Variants in DPH6 observed in about 807,000 individuals in gnomAD.
DPH6 encodes the protein diphthamine biosynthesis 6.
DPH6 carries 33 observed loss-of-function variants against 38.2 expected under a neutral mutation model. That is an observed-to-expected ratio of 0.86 (90% CI 0.65 to 1.15). DPH6 has a LOEUF of 1.15. Ranked by LOEUF, DPH6 falls within the 50% of genes most tolerant of loss-of-function variation. DPH6 has a pLI of 0.00. For synonymous variants in DPH6, 108 were observed against 103.0 expected (o/e 1.05, Z -0.30); for missense variants, 325 against 320.0 (o/e 1.02, Z -0.12).
intron 3 of DPH6, among the ~76,000 whole-genome samples, chr15:35,537,241 T>C (rs1178011509): frequency 6.6e-6 from 1 of 152,138 alleles, no homozygotes; most frequent in Non-Finnish European, 1.5e-5. Flanking sequence ...ATGAGGTAAC[T>C]TCTGAAAAAA....
rs2051580675 is a variant in DPH6, at chr15:35,239,301, C to T, written n.201-18719G>A. The stretch of plus-strand genomic sequence containing the variant: ...ATCTTGGCGCTACACTTCAATCACT[C>T]CCTTCTCTTAATTTCAATTCCTTTC... On this transcript the variant is annotated intron_variant and non_coding_transcript_variant, in intron 3 of 3. Coordinates refer to the DPH6 transcript ENST00000560386. Among the ~76,000 whole-genome samples the T allele has an allele frequency of 1.4e-5, 2 of 143,658 alleles. 1 individual carries two copies. The highest frequency in any genetic ancestry group is 5.0e-5 in the African/African-American group (2 of 39,740). The allele number at this position is 143,658 out of a possible 152,430, so 94.2% of individuals were successfully genotyped here. A position where few individuals can be genotyped will look rare whatever the true frequency, so the allele number is the denominator to read the frequency against.
chr15:35,501,260 T>A (rs1032477679), intron 3 of DPH6, among the ~76,000 whole-genome samples: 2 of 152,136 alleles, frequency 1.3e-5, no homozygotes, highest in African/African-American at 4.8e-5. Flanking sequence ...CACTTTCTAT[T>A]AAAAATAATC....
At chr15:35,198,140 T>G in the DPH6 span, among the ~76,000 whole-genome samples, 2 of 151,908 alleles carry the variant, frequency 1.3e-5, no homozygotes, top group East Asian at 3.8e-4. Flanking sequence ...TCTAGTTGTT[T>G]TTTTTTTCTA....
In DPH6 at chr15:35,443,099, G is replaced by A. The variant is rs374708062; in HGVS notation, c.505+7586C>T. Among the ~76,000 whole-genome samples, 76 of 152,228 alleles carry A rather than the reference G, an allele frequency of 5.0e-4. 2 individuals carry two copies. In the South Asian group the frequency reaches 0.015, roughly 31 times the overall value. ...TGTAGTCATAGTAGCTATATGCTCA[G>A]ACAATACAGATAAAAAGATCTCTTA... On this transcript the variant is annotated intron_variant, in intron 5 of 8. Coordinates refer to ENST00000256538, the MANE Select transcript of DPH6 (RefSeq NM_080650.4).
At position 35,417,565 on chromosome 15, in the gene DPH6, C is replaced by T. The variant is rs77341696; in HGVS notation, c.506-6669G>A. Among the ~76,000 whole-genome samples, 12 of 152,094 alleles carry T rather than the reference C, an allele frequency of 7.9e-5. No homozygotes were observed. The East Asian group carries it at 2.1e-3, about 27-fold the overall frequency. ...AAATTTTAACACAAAAGCTAGACAT[C>T]ACAACATCTCTATTTACTTTACCAA... is the stretch of plus-strand genomic sequence containing the variant. On this transcript the variant is annotated intron_variant, in intron 5 of 8. Coordinates refer to ENST00000256538, the MANE Select transcript of DPH6 (RefSeq NM_080650.4).
At chr15:35,167,023 GA>G in the DPH6 span, among the ~76,000 whole-genome samples, 2 of 152,018 alleles carry the variant, frequency 1.3e-5, no homozygotes, top group Non-Finnish European at 2.9e-5. Flanking sequence ...AGTGTCAATG[GA>G]AGCGAATTCT....
In DPH6 at chr15:35,454,656, A is replaced by G. The variant is rs2053974275; in HGVS notation, c.386+91T>C. On this transcript the variant is annotated intron_variant, in intron 4 of 8. Transcript: ENST00000256538. ...ATGGAGCACGTAGACTACCATACCT[A>G]TTTATAATTTGAATATGATTATTAT... 8.2e-6 allele frequency: 9 copies of G among 1,097,676 alleles called. No individual in the cohort carries two copies. The South Asian group carries it at 1.3e-4, about 16-fold the overall frequency. The allele number at this position is 1,097,676 out of a possible 1,614,324, so 68.0% of individuals were successfully genotyped here.
rs1351868017 is a variant in DPH6 at position 35,532,043 on chromosome 15, G to T, written c.312+6231C>A. ...GGCAGGTTTCACAAAAGAATATGAG[G>T]TGAGAAGGGGTTCTTCAGGAGGACA... On this transcript the variant is annotated intron_variant, in intron 3 of 8. Coordinates refer to ENST00000256538, the MANE Select transcript of DPH6 (RefSeq NM_080650.4). Among the ~76,000 whole-genome samples, 3 of 152,310 alleles carry T rather than the reference G, an allele frequency of 2.0e-5. No individual in the cohort carries two copies. The South Asian group carries it at 6.2e-4, about 32-fold the overall frequency.
chr15:35,314,378 G>A (rs572669047), intron 3 of DPH6, among the ~76,000 whole-genome samples: 2 of 152,158 alleles, frequency 1.3e-5, no homozygotes, highest in Admixed American at 6.5e-5. Flanking sequence ...TATATTTTAT[G>A]TTTATTTTAG....
chr15:35,381,418 CAAGAAA>C, intron 7 of DPH6, among the ~76,000 whole-genome samples: 1 of 151,768 alleles, frequency 6.6e-6, no homozygotes. Flanking sequence ...TTGTTAAAGC[CAAGAAA>C]AAGAAAAAAG....
At chr15:35,287,919 T>C (rs561256171) in intron 3 of DPH6, among the ~76,000 whole-genome samples, 1 of 152,314 alleles carries the variant, frequency 6.6e-6, no homozygotes, top group East Asian at 1.9e-4. Context: ...TATAATGTTC[T>C]TGGATAGAAG....
At chr15:35,313,812 T>G (rs2052164534) in intron 3 of DPH6, among the ~76,000 whole-genome samples, 1 of 152,144 alleles carries the variant, frequency 6.6e-6, no homozygotes. Flanking sequence ...ACTTAAGACT[T>G]AAATCTAAGA....
At chr15:35,161,557 C>A in the DPH6 span, among the ~76,000 whole-genome samples, 2 of 151,954 alleles carry the variant, frequency 1.3e-5, no homozygotes, top group Non-Finnish European at 1.5e-5. Context: ...AAACGCTAAT[C>A]TCCAATGTGA....
chr15:35,496,567 A>AAAAAAAATATATATATATATAT, intron 3 of DPH6, among the ~76,000 whole-genome samples: 2 of 31,014 alleles, frequency 6.4e-5, no homozygotes, highest in African/African-American at 1.4e-4. Context: ...AAAAAAAAAA[A>AAAAAAAATATATATATATATAT]ATATATATAT....
chr15:35,542,450 G>T lies in DPH6; in HGVS notation c.81C>A (p.Ile27=), dbSNP rs943536618. Residue 27 remains isoleucine (I), a synonymous_variant, in exon 2 of 9, where the codon ATC becomes ATA. Coordinates refer to ENST00000256538, the MANE Select transcript of DPH6 (RefSeq NM_080650.4). ...CTGGTCTTAGATTTGCTAAAGCAAC[G>T]ATCTGATGCCCAGCAGCAATGCACT... ...MMQCIAAGHQ[I]VALANLRPAE... 3 of 1,577,438 alleles carry T rather than the reference G, an allele frequency of 1.9e-6. No homozygotes were observed. Among genetic ancestry groups the T allele is most frequent in the African/African-American group, 1.3e-5 (1 of 74,392 alleles).
chr15:35,179,221 A>AG, the DPH6 span, among the ~76,000 whole-genome samples: 1 of 151,088 alleles, frequency 6.6e-6, no homozygotes, highest in African/African-American at 2.4e-5. Context: ...AAAAAAAAAA[A>AG]AAAAAAGAAA....
chr15:35,318,115 G>A (rs2052209417), intron 3 of DPH6, among the ~76,000 whole-genome samples: 1 of 151,878 alleles, frequency 6.6e-6, no homozygotes, highest in African/African-American at 2.4e-5. Flanking sequence ...TTCCAAACTG[G>A]ATTAAAAGTA....
intron 3 of DPH6, among the ~76,000 whole-genome samples, chr15:35,469,669 C>T (rs1427299470): frequency 1.3e-5 from 2 of 152,120 alleles, no homozygotes; most frequent in African/African-American, 4.8e-5. Flanking sequence ...CAATTGGACA[C>T]TGAATCTTAT....
chr15:35,441,621 G>A (rs1031420299), intron 5 of DPH6, among the ~76,000 whole-genome samples: 1 of 152,166 alleles, frequency 6.6e-6, no homozygotes, highest in African/African-American at 2.4e-5. Context: ...GAGAACACTT[G>A]GATACAGGGA....
Sources: allele counts gnomAD v4.1 joint callset (sites outside exome capture counted in the v4.1 genomes callset), GRCh38; gene constraint gnomAD v4.1.1; transcripts MANE v1.5; gene names NCBI Gene and HGNC (gene_info 2026-07-23, HGNC 2026-07-21).